The following KLK10 variants were observed in gnomAD, a reference collection of about 807,000 sequenced individuals.
KLK10 encodes the protein kallikrein-10.
A neutral mutation model predicts 25.7 loss-of-function variants in KLK10; 27 were observed. The ratio of observed to expected loss-of-function variants is 1.05; its 90% CI spans 0.77 to 1.45. The LOEUF (loss-of-function observed/expected upper bound fraction) is 1.45, where lower values mean the gene tolerates loss of function less well. KLK10 is among the 40% of genes most tolerant of loss of function. KLK10 has a pLI of 0.00. For missense variants in KLK10, 386 were observed against 370.0 expected, an observed-to-expected ratio of 1.04 and a Z score of -0.35; for synonymous variants, 173 against 160.1, an observed-to-expected ratio of 1.08 and a Z score of -0.61.
chr19:51,017,117 C>T lies in KLK10; in HGVS notation c.262G>A (p.Gly88Arg), dbSNP rs1311900326. The T allele has an allele frequency of 7.5e-6, 12 of 1,602,536 alleles. No homozygotes were observed. Among genetic ancestry groups the T allele is most frequent in the Non-Finnish European group, 1.0e-5 (12 of 1,175,262 alleles). Reference sequence around the variant, plus strand: ...GGATGGATCTCCTCCTACTTGTTTCCGCAGTGCGCGGCCGTCAGCACCCAA... The same window carrying T: ...GGATGGATCTCCTCCTACTTGTTTCTGCAGTGCGCGGCCGTCAGCACCCAA... The part of the protein sequence containing the change: ...QSWVLTAAHC[G>R]NKPLWARVGD... Residue 88 changes from glycine (G) to arginine (R), a missense_variant, in exon 3 of 6, where the codon GGA becomes AGA. Coordinates refer to ENST00000358789, the MANE Select transcript of KLK10 (RefSeq NM_145888.3).
At chr19:51,018,779 G>A in intron 2 of KLK10, 1 of 546,286 alleles carries the variant, frequency 1.8e-6, no homozygotes. Context: ...GTAAGAGGAG[G>A]AGAAAGAACG....
At chr19:51,015,189 C>A (rs1049131135) in intron 5 of KLK10, among the ~76,000 whole-genome samples, 3 of 149,768 alleles carry the variant, frequency 2.0e-5, no homozygotes, top group African/African-American at 7.4e-5. Context: ...GATTGTAGTT[C>A]ATGGAAGGTG....
chr19:51,014,207 G>C lies in KLK10; in HGVS notation c.*593C>G, dbSNP rs1303282137. The C allele has an allele frequency of 6.6e-6, 1 of 152,416 alleles. No individual in the cohort carries two copies. Among genetic ancestry groups the C allele is most frequent in the Non-Finnish European group, 1.5e-5 (1 of 68,226 alleles). The allele number at this position is 152,416 out of a possible 1,614,324, so 9.4% of individuals were successfully genotyped here. A position where few individuals can be genotyped will look rare whatever the true frequency, so the allele number is the denominator to read the frequency against. ...CCTAAGGGTTGGGGATGGAAGGTTG[G>C]GACTGGGGGCTACCCTGTGCACTTC... On this transcript the variant is annotated 3_prime_UTR_variant, in exon 6 of 6. Coordinates refer to ENST00000358789, the MANE Select transcript of KLK10 (RefSeq NM_145888.3).
chr19:51,019,697 G>T lies in KLK10; in HGVS notation c.-80C>A, dbSNP rs2091382339. 1 of 152,468 alleles carries T rather than the reference G, an allele frequency of 6.6e-6. No individual in the cohort carries two copies. The highest frequency in any genetic ancestry group is 6.5e-5 in the Admixed American group (1 of 15,282). 9.4% of individuals were successfully genotyped at this position (152,468 alleles called of 1,614,324 possible). Reference sequence around the variant, plus strand: ...CTGCCCTGCCTGTGGTCTGCCGCTGGTATCCTCTGCCCAGGGACCCCTGGC... The same window carrying T: ...CTGCCCTGCCTGTGGTCTGCCGCTGTTATCCTCTGCCCAGGGACCCCTGGC... On this transcript the variant is annotated 5_prime_UTR_variant, in exon 1 of 6. Transcript: ENST00000358789. The surrounding 1 kb of genome is among the most constrained non-coding windows in gnomAD (Gnocchi z 4.2).
rs1249722316 is a variant in KLK10 at position 51,013,960 on chromosome 19, C to T, written c.*840G>A. On this transcript the variant is annotated 3_prime_UTR_variant, in exon 6 of 6. Coordinates refer to ENST00000358789, the MANE Select transcript of KLK10 (RefSeq NM_145888.3). ...TCCCAATCTTCACTACCCCCTCGGC[C>T]CTCTGGTCTTAGAGGCTGGGATAGA... is the stretch of plus-strand genomic sequence containing the variant. 1 of 153,246 alleles carries T rather than the reference C, an allele frequency of 6.5e-6. No homozygotes were observed. The highest frequency in any genetic ancestry group is 2.4e-5 in the African/African-American group (1 of 41,424). The allele number at this position is 153,246 out of a possible 1,614,324, so 9.5% of individuals were successfully genotyped here.
intron 2 of KLK10, among the ~76,000 whole-genome samples, chr19:51,017,819 A>G (rs2091349756): frequency 8.8e-6 from 1 of 113,238 alleles, no homozygotes; most frequent in Admixed American, 9.4e-5. Context: ...CCCAGTCTCT[A>G]CAAAAACAAA....
Position 51,013,070 on chromosome 19 carries a change from C to T in KLK10, c.*1730G>A, listed in dbSNP as rs1188164928. On this transcript the variant is annotated 3_prime_UTR_variant, in exon 6 of 6. Transcript: ENST00000358789. The stretch of plus-strand genomic sequence containing the variant: ...ATGAATCGAGTTTTCAAGTTTCCAC[C>T]GACCTCGCTTCTGGTCTTTGGATGA... The T allele has an allele frequency of 1.3e-5, 2 of 152,100 alleles. No individual in the cohort carries two copies. Among genetic ancestry groups the T allele is most frequent in the African/African-American group, 2.4e-5 (1 of 41,426 alleles). The allele number at this position is 152,100 out of a possible 1,614,324, so 9.4% of individuals were successfully genotyped here.
chr19:51,017,067 C>G (rs1245398025), intron 3 of KLK10, 43 bp downstream of exon 3: 13 of 1,508,018 alleles, frequency 8.6e-6, no homozygotes, highest in Non-Finnish European at 1.2e-5. Flanking sequence ...GAGGCCGCCT[C>G]CACAGCCCCC....
At position 51,013,515 on chromosome 19, in the gene KLK10, C is replaced by G. The variant is rs7252982; in HGVS notation, c.*1285G>C. On this transcript the variant is annotated 3_prime_UTR_variant, in exon 6 of 6. Transcript: ENST00000358789. ...TCTTGGCTCACTGCAACCTCTGCCC[C>G]CCGGGTTCAAGTGATTCTTCTGCCT... is the stretch of plus-strand genomic sequence containing the variant. 1.3e-5 allele frequency: 2 copies of G among 152,278 alleles called. No homozygotes were observed. Among genetic ancestry groups the G allele is most frequent in the African/African-American group, 4.8e-5 (2 of 41,366 alleles). 9.4% of individuals were successfully genotyped at this position (152,278 alleles called of 1,614,324 possible).
Position 51,013,819 on chromosome 19 carries a change from A to G in KLK10, c.*981T>C, listed in dbSNP as rs1314021454. 1 of 153,714 alleles carries G rather than the reference A, an allele frequency of 6.5e-6. No individual in the cohort carries two copies. The highest frequency in any genetic ancestry group is 1.5e-5 in the Non-Finnish European group (1 of 68,030). The allele number at this position is 153,714 out of a possible 1,614,324, so 9.5% of individuals were successfully genotyped here. A position where few individuals can be genotyped will look rare whatever the true frequency, so the allele number is the denominator to read the frequency against. On this transcript the variant is annotated 3_prime_UTR_variant, in exon 6 of 6. Coordinates refer to ENST00000358789, the MANE Select transcript of KLK10 (RefSeq NM_145888.3). ...GGAGAATCAAACAATTCCTCCTCCC[A>G]AGTTTTCAGGACGAAAATCTCACAG...
In KLK10 at chr19:51,017,162, C is replaced by A; in HGVS notation, c.217G>T (p.Gly73Cys). The change falls in exon 3 of 6, where the codon GGT becomes TGT. Residue 73 changes from glycine (G) to cysteine (C), a missense_variant. Coordinates refer to ENST00000358789, the MANE Select transcript of KLK10 (RefSeq NM_145888.3). ...ACCCAACTCTGGTCCACCAGGACAC[C>A]CGCGCAGTGGAACGAGAGGCCGTTG... ...LFNGLSFHCAGVLVDQSWVLT... is the reference protein window; with the variant it reads ...LFNGLSFHCACVLVDQSWVLT... 1 of 1,611,816 alleles carries A rather than the reference C, an allele frequency of 6.2e-7. No homozygotes were observed. Among genetic ancestry groups the A allele is most frequent in the Non-Finnish European group, 8.5e-7 (1 of 1,179,644 alleles).
Position 51,014,734 on chromosome 19 carries a change from G to A in KLK10, c.*66C>T. On this transcript the variant is annotated 3_prime_UTR_variant, in exon 6 of 6. Coordinates refer to ENST00000358789, the MANE Select transcript of KLK10 (RefSeq NM_145888.3). ...ACTGGGGAGGAAGAGGATGGACGAT[G>A]GAGCCTCTGGGCATCTGGATCAGCA... 6.5e-7 allele frequency: 1 copy of A among 1,543,074 alleles called. No individual in the cohort carries two copies. The highest frequency in any genetic ancestry group is 1.2e-5 in the South Asian group (1 of 85,160).
intron 5 of KLK10, 124 bp from the exon 6 acceptor site, chr19:51,015,076 T>C: frequency 1.2e-6 from 1 of 841,688 alleles, no homozygotes; most frequent in Non-Finnish European, 1.8e-6. Context: ...TGGGATGGGG[T>C]TGGAATTAGG....
At chr19:51,018,796 A>G in intron 2 of KLK10, 1 of 557,834 alleles carries the variant, frequency 1.8e-6, no homozygotes, top group East Asian at 3.1e-5. Flanking sequence ...AACGCGGCGA[A>G]GAGTCCACGG....
chr19:51,014,974 G>A (rs758332152), intron 5 of KLK10, 22 bp from the exon 6 acceptor site: 2 of 1,607,394 alleles, frequency 1.2e-6, no homozygotes, highest in African/African-American at 1.3e-5. Context: ...AGGAAGGAGA[G>A]ATCAAATAAA....
At chr19:51,015,751 C>T (rs1408956379) in intron 4 of KLK10, 131 bp downstream of exon 4, 2 of 1,113,980 alleles carry the variant, frequency 1.8e-6, no homozygotes, top group African/African-American at 1.6e-5. Context: ...CAGACCCAGG[C>T]ATCTAGGACC....
chr19:51,017,485 G>T (rs2091345760), intron 2 of KLK10, among the ~76,000 whole-genome samples, 195 bp from the exon 3 acceptor site: 1 of 152,092 alleles, frequency 6.6e-6, no homozygotes, highest in Non-Finnish European at 1.5e-5. Context: ...GTGGAAGGAA[G>T]CTGGGATAGG....
intron 2 of KLK10, among the ~76,000 whole-genome samples, chr19:51,018,114 C>G (rs1441408692): frequency 1.8e-5 from 2 of 113,162 alleles, no homozygotes; most frequent in Admixed American, 2.2e-4. Flanking sequence ...GCAGTGAGCT[C>G]TGATTGGGCC....
At chr19:51,015,575 C>A in intron 4 of KLK10, 25 bp from the exon 5 acceptor site, 3 of 1,610,718 alleles carry the variant, frequency 1.9e-6, no homozygotes, top group Non-Finnish European at 2.5e-6. Flanking sequence ...TGCCAGTAAT[C>A]CCTGGGTCCA....
Sources: gnomAD v4.1 joint callset for allele counts (sites outside exome capture counted in the v4.1 genomes callset) on GRCh38, gnomAD v4.1.1 for gene constraint, Gnocchi (gnomAD v3.1) non-coding constraint, MANE v1.5 for transcripts, NCBI Gene and HGNC (gene_info 2026-07-23, HGNC 2026-07-21) for gene names.